Variants in KLF9 observed in about 807,000 individuals in gnomAD.
KLF9 encodes the protein KLF transcription factor 9.
Under a neutral mutation model 17.3 loss-of-function variants are expected in KLF9, and 2 were observed. The observed-to-expected ratio is 0.12, with a 90% CI of 0.05 to 0.36. KLF9 has a LOEUF of 0.36. Among genes scored for constraint, KLF9 ranks in the 10% least tolerant of loss-of-function variants. The pLI is 1.00. For synonymous variants in KLF9, 138 were observed against 139.2 expected (o/e 0.99, Z 0.06); for missense variants, 226 against 333.2 (o/e 0.68, Z 2.51).
chr9:70,390,604 G>A (rs2037147290), intron 1 of KLF9, among the ~76,000 whole-genome samples: 1 of 151,968 alleles, frequency 6.6e-6, no homozygotes, highest in Non-Finnish European at 1.5e-5. Context: ...TACTCATGGT[G>A]CCAAGCATTT....
intron 1 of KLF9, among the ~76,000 whole-genome samples, chr9:70,401,205 G>A (rs1424868542): frequency 6.6e-6 from 1 of 151,510 alleles, no homozygotes; most frequent in African/African-American, 2.4e-5. Flanking sequence ...TAAATTAGCT[G>A]GGCATGGTGG....
At chr9:70,404,943 CTCTA>C (rs778144661) in intron 1 of KLF9, among the ~76,000 whole-genome samples, 14 of 152,184 alleles carry the variant, frequency 9.2e-5, no homozygotes, top group Non-Finnish European at 1.9e-4. Context: ...GCTCTGACGA[CTCTA>C]TCTACTGTCT....
chr9:70,412,718 T>C, intron 1 of KLF9, 141 bp downstream of exon 1: 2 of 823,502 alleles, frequency 2.4e-6, no homozygotes, highest in Non-Finnish European at 3.8e-6. Flanking sequence ...CACATTTAAA[T>C]TATTTAAAGA....
At chr9:70,407,387 C>A (rs2037263047) in intron 1 of KLF9, among the ~76,000 whole-genome samples, 1 of 152,162 alleles carries the variant, frequency 6.6e-6, no homozygotes, top group Admixed American at 6.5e-5. Context: ...ACTGTATTTA[C>A]TCTGGTACCT....
chr9:70,413,679 C>T lies in KLF9; in HGVS notation c.-316G>A, dbSNP rs557973973. ...GACGGGCGCGCCGGCCCCTCTGAGC[C>T]GGCTCCCTTGGAAAGATGCCACACG... On this transcript the variant is annotated 5_prime_UTR_variant, in exon 1 of 2. Coordinates refer to ENST00000377126, the MANE Select transcript of KLF9 (RefSeq NM_001206.4). The surrounding 1 kb of genome is among the most constrained non-coding windows in gnomAD (Gnocchi z 5.6). The T allele has an allele frequency of 6.3e-6, 1 of 157,526 alleles. No homozygotes were observed. Among genetic ancestry groups the T allele is most frequent in the South Asian group, 1.8e-4 (1 of 5,460 alleles). 9.8% of individuals were successfully genotyped at this position (157,526 alleles called of 1,614,324 possible).
At chr9:70,391,408 G>C (rs2037152460) in intron 1 of KLF9, among the ~76,000 whole-genome samples, 1 of 152,160 alleles carries the variant, frequency 6.6e-6, no homozygotes, top group African/African-American at 2.4e-5. Context: ...GTCATTTTGT[G>C]ATGGTTCTCC....
At chr9:70,391,301 G>A (rs2037151439) in intron 1 of KLF9, among the ~76,000 whole-genome samples, 1 of 152,208 alleles carries the variant, frequency 6.6e-6, no homozygotes, top group Admixed American at 6.5e-5. Flanking sequence ...CTATGCTTGT[G>A]ACTTACATAT....
At chr9:70,398,652 C>T (rs540833338) in intron 1 of KLF9, among the ~76,000 whole-genome samples, 35 of 152,016 alleles carry the variant, frequency 2.3e-4, no homozygotes, top group South Asian at 2.1e-3. Context: ...CCACCATGCC[C>T]AGCTAATTTT....
chr9:70,407,785 A>G (rs551412879), intron 1 of KLF9, among the ~76,000 whole-genome samples: 1 of 152,222 alleles, frequency 6.6e-6, no homozygotes, highest in South Asian at 2.1e-4. Context: ...AGGGAGTTTT[A>G]CCCTCTTGTC....
intron 1 of KLF9, among the ~76,000 whole-genome samples, chr9:70,410,559 T>C (rs1564089722): frequency 6.6e-6 from 1 of 152,160 alleles, no homozygotes; most frequent in Non-Finnish European, 1.5e-5. Context: ...CAGCTGTATG[T>C]GTCTCTATAA....
intron 1 of KLF9, among the ~76,000 whole-genome samples, chr9:70,403,868 C>A (rs1224279316): frequency 6.6e-6 from 1 of 152,132 alleles, no homozygotes; most frequent in South Asian, 2.1e-4. Flanking sequence ...TTCATGAAAA[C>A]CAACCATAAG....
chr9:70,391,755 C>G (rs1323016009), intron 1 of KLF9, among the ~76,000 whole-genome samples: 3 of 152,094 alleles, frequency 2.0e-5, no homozygotes, highest in Admixed American at 6.5e-5. Flanking sequence ...CTAAGAATAG[C>G]TTATACCATT....
chr9:70,388,064 G>A (rs1306455651), intron 1 of KLF9, 59 bp from the exon 2 acceptor site: 6 of 1,391,782 alleles, frequency 4.3e-6, no homozygotes, highest in African/African-American at 1.4e-5. Flanking sequence ...ATTCCGAAGG[G>A]CGGTCATGGT....
At chr9:70,411,278 A>C (rs140163357) in intron 1 of KLF9, among the ~76,000 whole-genome samples, 46 of 152,318 alleles carry the variant, frequency 3.0e-4, no homozygotes, top group Non-Finnish European at 5.9e-4. Flanking sequence ...TCAAGGTGGC[A>C]GTGGGTGTCG....
chr9:70,409,308 C>G (rs1244377119), intron 1 of KLF9, among the ~76,000 whole-genome samples: 1 of 148,932 alleles, frequency 6.7e-6, no homozygotes, highest in African/African-American at 2.5e-5. Context: ...AATCCTATAA[C>G]CAGTGTTATC....
intron 1 of KLF9, among the ~76,000 whole-genome samples, chr9:70,401,189 A>ATT (rs200019409): frequency 1.4e-5 from 2 of 138,636 alleles, no homozygotes; most frequent in African/African-American, 5.3e-5. Context: ...AAAAAAAAAA[A>ATT]TTTTTTAAAT....
Position 70,386,336 on chromosome 9 carries a change from C to A in KLF9, c.*1440G>T, listed in dbSNP as rs1050928990. ...GTAGTGGTTTCAGCCATTATAGACACCTAGATACAAGATATATTAGTGGTG... is the reference window on the plus strand; with the variant it reads ...GTAGTGGTTTCAGCCATTATAGACAACTAGATACAAGATATATTAGTGGTG... On this transcript the variant is annotated 3_prime_UTR_variant, in exon 2 of 2. Coordinates refer to ENST00000377126, the MANE Select transcript of KLF9 (RefSeq NM_001206.4). The A allele has an allele frequency of 1.3e-5, 2 of 152,558 alleles. No individual in the cohort carries two copies. The highest frequency in any genetic ancestry group is 2.4e-5 in the African/African-American group (1 of 41,398). The allele number at this position is 152,558 out of a possible 1,614,324, so 9.5% of individuals were successfully genotyped here. A position where few individuals can be genotyped will look rare whatever the true frequency, so the allele number is the denominator to read the frequency against.
In KLF9 at chr9:70,389,208, C is replaced by T. The variant is rs542378671; in HGVS notation, c.506-1203G>A. On this transcript the variant is annotated intron_variant, in intron 1 of 1. Transcript: ENST00000377126. ...TCATAATCCTTTAAATATCTGCAGA[C>T]AGATATGTCTTTCTTTAATCTCTTC... Among the ~76,000 whole-genome samples the T allele has an allele frequency of 5.3e-5, 8 of 152,106 alleles. No homozygotes were observed. In the South Asian group the frequency reaches 1.7e-3, roughly 32 times the overall value.
At chr9:70,402,153 C>G (rs2037226771) in intron 1 of KLF9, among the ~76,000 whole-genome samples, 3 of 152,160 alleles carry the variant, frequency 2.0e-5, no homozygotes, top group African/African-American at 7.2e-5. Flanking sequence ...GCTCACTGAA[C>G]AAGCATTTTG....
Sources: gnomAD v4.1 joint callset for allele counts (sites outside exome capture counted in the v4.1 genomes callset) on GRCh38, gnomAD v4.1.1 for gene constraint, Gnocchi (gnomAD v3.1) non-coding constraint, MANE v1.5 for transcripts, NCBI Gene and HGNC (gene_info 2026-07-23, HGNC 2026-07-21) for gene names.